FHDC1: variants seen among roughly 807,000 people sequenced by gnomAD.
FHDC1 encodes FH2 domain containing 1.
FHDC1 carries 25 observed loss-of-function variants against 52.6 expected under a neutral mutation model. The observed-to-expected ratio is 0.48, with a 90% confidence interval of 0.35 to 0.66. The LOEUF (loss-of-function observed/expected upper bound fraction) is 0.66, where lower values mean the gene tolerates loss of function less well. Among genes scored for constraint, FHDC1 ranks in the 30% least tolerant of loss-of-function variants. FHDC1 has a pLI of 0.01. For synonymous variants in FHDC1, 616 were observed against 581.5 expected, an observed-to-expected ratio of 1.06 and a Z score of -0.85; for missense variants, 1,459 against 1,452.8, an observed-to-expected ratio of 1.00 and a Z score of -0.07.
rs150371797 is a variant in FHDC1, at chr4:152,976,148, G to A, written c.2857G>A (p.Glu953Lys). The change falls in exon 12 of 12, where the codon GAA becomes AAA. Residue 953 changes from glutamate (E) to lysine (K), a missense_variant. Physicochemically the swap from Glu to Lys is moderately conservative, Grantham distance 56 (BLOSUM62 1). Coordinates refer to ENST00000511601, the MANE Select transcript of FHDC1 (RefSeq NM_001371116.1). ...NSVRRASTGA[E>K]EQRLPRGSSG... ...CGTGCGGAGGGCCTCCACAGGCGCC[G>A]AAGAGCAGAGGCTGCCGCGGGGGAG... 1.1e-5 allele frequency: 17 copies of A among 1,611,704 alleles called. No individual in the cohort carries two copies. In the Admixed American group the frequency reaches 1.3e-4, roughly 13 times the overall value.
chr4:152,927,008 A>C, the FHDC1 span, among the ~76,000 whole-genome samples: 1 of 152,254 alleles, frequency 6.6e-6, no homozygotes, highest in African/African-American at 2.4e-5. Flanking sequence ...CTCAGGCTGA[A>C]GACTGCTCTC....
chr4:152,918,994 T>C, the FHDC1 span, among the ~76,000 whole-genome samples: 1 of 152,278 alleles, frequency 6.6e-6, no homozygotes, highest in Non-Finnish European at 1.5e-5. Context: ...GCAGATTTGC[T>C]TCTGGCCCAT....
At position 152,943,234 on chromosome 4, in the gene FHDC1, T is replaced by TCCCCCCCCCCC; in HGVS notation, c.179_180insCCCCCCCCCCC (p.Pro64HisfsTer26). ...GGGAAGAGTGTCCTTCCTCCCCTCC[T>TCCCCCCCCCCC]CCACCCCCACCACCTCCACTTCCTG... On this transcript the variant is annotated frameshift_variant, in exon 2 of 12. Transcript: ENST00000511601. LOFTEE classifies it high-confidence loss of function. 1 of 1,107,498 alleles carries TCCCCCCCCCCC rather than the reference T, an allele frequency of 9.0e-7. No individual in the cohort carries two copies. Among genetic ancestry groups the TCCCCCCCCCCC allele is most frequent in the Non-Finnish European group, 1.2e-6 (1 of 827,188 alleles). The allele number at this position is 1,107,498 out of a possible 1,614,324, so 68.6% of individuals were successfully genotyped here. A position where few individuals can be genotyped will look rare whatever the true frequency, so the allele number is the denominator to read the frequency against.
At chr4:152,931,956 A>G (rs1018853212), upstream of FHDC1, among the ~76,000 whole-genome samples, 1 of 124,946 alleles carries the variant, frequency 8.0e-6, no homozygotes, top group Non-Finnish European at 1.8e-5. Context: ...AAAAAAAAAA[A>G]AAAAAAAACT....
chr4:152,964,240 C>T (rs62320611), intron 8 of FHDC1, among the ~76,000 whole-genome samples: 9,292 of 152,264 alleles, frequency 0.061, 316 homozygotes, highest in Non-Finnish European at 0.081. Flanking sequence ...ACTATTATTA[C>T]TATATTCTTC....
the FHDC1 span, among the ~76,000 whole-genome samples, chr4:152,919,697 G>T: frequency 6.6e-6 from 1 of 152,138 alleles, no homozygotes; most frequent in Admixed American, 6.5e-5. Context: ...GGTCATTAGG[G>T]TCATTGTTGG....
chr4:152,923,165 G>A, the FHDC1 span, among the ~76,000 whole-genome samples: 4 of 152,148 alleles, frequency 2.6e-5, no homozygotes, highest in African/African-American at 7.2e-5. Flanking sequence ...CAAAGTCTCA[G>A]AATACAAAAT....
the FHDC1 span, among the ~76,000 whole-genome samples, chr4:152,921,002 C>T: frequency 6.6e-6 from 1 of 151,920 alleles, no homozygotes; most frequent in Non-Finnish European, 1.5e-5. Context: ...TCTGGTTTGT[C>T]CTGAACATCC....
At position 152,954,310 on chromosome 4, in the gene FHDC1, G is replaced by C. The variant is rs1579089941; in HGVS notation, c.654G>C (p.Glu218Asp). ...GAGAATTTCTTAAGTTTTTGCCAGA[G>C]TCAGAAGAGGTAAGAAATTCAGCGC... ...TLREFLKFLP[E>D]SEEVKKLKAF... is the part of the protein sequence containing the mutation. Residue 218 changes from glutamate to aspartate, a missense_variant, in exon 4 of 12, where the codon GAG becomes GAC. Around this residue, in one of 3 missense-constraint regions of FHDC1, gnomAD observed 513 missense variants for 581.5 expected, o/e 0.88. Coordinates refer to ENST00000511601, the MANE Select transcript of FHDC1 (RefSeq NM_001371116.1). 1 of 1,613,530 alleles carries C rather than the reference G, an allele frequency of 6.2e-7. No individual in the cohort carries two copies. The highest frequency in any genetic ancestry group is 1.1e-5 in the South Asian group (1 of 91,074).
At chr4:152,952,719 C>G (rs1313799597) in intron 2 of FHDC1, among the ~76,000 whole-genome samples, 1 of 152,004 alleles carries the variant, frequency 6.6e-6, no homozygotes, top group African/African-American at 2.4e-5. Context: ...TTTTGGTATC[C>G]CCAGGGGTCC....
chr4:152,940,907 A>C (rs1739557595), intron 1 of FHDC1, among the ~76,000 whole-genome samples: 1 of 152,234 alleles, frequency 6.6e-6, no homozygotes, highest in Non-Finnish European at 1.5e-5. Context: ...CTATGAAAAC[A>C]GCCTAGTTAT....
chr4:152,968,057 G>A lies in FHDC1; in HGVS notation c.1178G>A (p.Arg393Gln), dbSNP rs143625487. The change falls in exon 10 of 12, where the codon CGG (arginine) becomes CAG (glutamine). Residue 393 changes from arginine to glutamine, a missense_variant. Arg to Gln is a conservative substitution (Grantham distance 43). This residue lies in a region of FHDC1 where 513 missense variants were observed against 581.5 expected (regional missense o/e 0.88). Coordinates refer to ENST00000511601, the MANE Select transcript of FHDC1 (RefSeq NM_001371116.1). ...RTKSLKENIQ[R>Q]DGELCQQMED... ...AAATCACTAAAAGAAAACATCCAGC[G>A]GGATGGTGAACTTTGTCAGCAGATG... 31 of 1,613,688 alleles carry A rather than the reference G, an allele frequency of 1.9e-5. No individual in the cohort carries two copies. Among genetic ancestry groups the A allele is most frequent in the Admixed American group, 1.0e-4 (6 of 59,978 alleles).
intron 2 of FHDC1, among the ~76,000 whole-genome samples, chr4:152,949,885 C>G (rs1255738386): frequency 6.6e-6 from 1 of 152,196 alleles, no homozygotes; most frequent in Non-Finnish European, 1.5e-5. Flanking sequence ...GTTTGCCACT[C>G]TTTGGTAGGA....
intron 10 of FHDC1, among the ~76,000 whole-genome samples, chr4:152,968,450 C>T (rs753132530): frequency 4.7e-4 from 72 of 152,066 alleles, no homozygotes; most frequent in Admixed American, 1.6e-3. Context: ...CTCAGCCTCC[C>T]GAGTAGCTGG....
chr4:152,926,267 G>GACACAC, the FHDC1 span, among the ~76,000 whole-genome samples: 28,430 of 144,196 alleles, frequency 0.2, 2,949 homozygotes, highest in Non-Finnish European at 0.23. Context: ...TTAAAATACA[G>GACACAC]ACACACACAC....
At chr4:152,927,585 AG>A in the FHDC1 span, 2 of 1,601,386 alleles carry the variant, frequency 1.2e-6, no homozygotes, top group African/African-American at 2.7e-5. Context: ...TGTCCAGAGG[AG>A]GTTTATGACC....
chr4:152,971,564 T>C (rs951933778), intron 10 of FHDC1, among the ~76,000 whole-genome samples: 1 of 152,216 alleles, frequency 6.6e-6, no homozygotes, highest in Non-Finnish European at 1.5e-5. Flanking sequence ...CAAGCTTCCT[T>C]TCTTCCCATC....
intron 4 of FHDC1, among the ~76,000 whole-genome samples, chr4:152,956,506 A>G (rs958037612): frequency 1.3e-5 from 2 of 152,202 alleles, no homozygotes; most frequent in African/African-American, 4.8e-5. Context: ...TAAGCTGTCA[A>G]ACCTCATATT....
the FHDC1 span, among the ~76,000 whole-genome samples, chr4:152,928,633 G>A: frequency 5.3e-5 from 8 of 152,214 alleles, no homozygotes; most frequent in Admixed American, 1.3e-4. Context: ...TATTGTAGAT[G>A]AATGTGTTGT....
Sources: gnomAD v4.1 joint callset for allele counts (sites outside exome capture counted in the v4.1 genomes callset) on GRCh38, gnomAD v4.1.1 for gene constraint, gnomAD v4.1.1 regional missense constraint, MANE v1.5 for transcripts, NCBI Gene and HGNC (gene_info 2026-07-23, HGNC 2026-07-21) for gene names.